CD244: variants seen among roughly 807,000 people sequenced by gnomAD.
CD244 encodes CD244 molecule, also known as natural killer cell receptor 2B4.
In CD244, 20 loss-of-function variants were observed where a neutral mutation model predicts 45.5. The observed-to-expected ratio is 0.44, with a 90% confidence interval of 0.31 to 0.64. The LOEUF (loss-of-function observed/expected upper bound fraction) is 0.64, where lower values mean the gene tolerates loss of function less well. CD244 is among the 30% of genes least tolerant of loss of function. CD244 has a pLI of 0.08. For missense variants in CD244, 407 were observed against 426.9 expected (o/e 0.95, Z 0.41); for synonymous variants, 185 against 160.5 (o/e 1.15, Z -1.15).
chr1:160,836,287 C>T (rs75645010), intron 5 of CD244, 33 bp from the exon 6 acceptor site: 39 of 1,564,814 alleles, frequency 2.5e-5, no homozygotes, highest in Admixed American at 1.8e-4. Context: ...GTAACATGAG[C>T]GACAGTTCGG....
At chr1:160,844,838 G>A (rs959342119) in intron 1 of CD244, among the ~76,000 whole-genome samples, 3 of 152,058 alleles carry the variant, frequency 2.0e-5, no homozygotes, top group Non-Finnish European at 4.4e-5. Context: ...AGCCAGACAT[G>A]GTGGCACACA....
intron 1 of CD244, among the ~76,000 whole-genome samples, chr1:160,860,262 G>A (rs1670250961): frequency 6.6e-6 from 1 of 152,106 alleles, no homozygotes; most frequent in African/African-American, 2.4e-5. Context: ...ATGATAACCT[G>A]AATCATATGA....
chr1:160,842,360 C>T (rs993022016), intron 1 of CD244, among the ~76,000 whole-genome samples: 1 of 152,046 alleles, frequency 6.6e-6, no homozygotes, highest in Non-Finnish European at 1.5e-5. Flanking sequence ...AGGTGATCCT[C>T]CCATCTCAAC....
chr1:160,848,421 T>C (rs1002877686), intron 1 of CD244: 1 of 553,398 alleles, frequency 1.8e-6, no homozygotes, highest in African/African-American at 1.9e-5. Context: ...GGCATGAATA[T>C]TGCAGACAGC....
chr1:160,840,131 C>CTTT (rs35151948), intron 3 of CD244, among the ~76,000 whole-genome samples: 1 of 138,820 alleles, frequency 7.2e-6, no homozygotes. Context: ...CACAGAGCTT[C>CTTT]TTTTTTTTTT....
chr1:160,858,496 G>A (rs1352320051), intron 1 of CD244, among the ~76,000 whole-genome samples: 4 of 152,118 alleles, frequency 2.6e-5, no homozygotes, highest in Admixed American at 6.5e-5. Context: ...TCCTCAGAAC[G>A]GACAACTGAA....
At chr1:160,839,289 C>T (rs1669451015) in intron 3 of CD244, 1 of 408,472 alleles carries the variant, frequency 2.4e-6, no homozygotes, top group Admixed American at 4.1e-5. Context: ...CCTGTGAGCT[C>T]TGCACTATTT....
At chr1:160,837,595 C>G (rs1388815815) in intron 5 of CD244, among the ~76,000 whole-genome samples, 1 of 152,238 alleles carries the variant, frequency 6.6e-6, no homozygotes, top group African/African-American at 2.4e-5. Context: ...CGAGGCTGCA[C>G]AGGGCCTCAC....
rs139236348 is a variant in CD244, at chr1:160,834,102, C to T, written c.909G>A (p.Thr303=). Residue 303 remains threonine, a synonymous_variant, in exon 7 of 9, where the codon ACG becomes ACA. Coordinates refer to ENST00000368034, the MANE Select transcript of CD244 (RefSeq NM_016382.4). Reference sequence around the variant, plus strand: ...ATAATGTATATGCAGGTTCTTGTGACGTGGGAGCAGAAGACTAATGAGAAG... The same window carrying T: ...ATAATGTATATGCAGGTTCTTGTGATGTGGGAGCAGAAGACTAATGAGAAG... ...SMIQSQSSAP[T]SQEPAYTLYS... is the part of the protein sequence containing the mutation. 6.3e-4 allele frequency: 1,017 copies of T among 1,608,388 alleles called. 7 individuals are homozygous for T. Among genetic ancestry groups the T allele is most frequent in the Middle Eastern group, 5.1e-3 (31 of 6,040 alleles).
At position 160,849,641 on chromosome 1, in the gene CD244, C is replaced by T. The variant is rs139504079; in HGVS notation, c.62-7740G>A. ...CAAACTCAGGAACAGAAAAAGGATT[C>T]CATAATTACCTCTTTTAATCAACAT... On this transcript the variant is annotated intron_variant, in intron 1 of 8. Coordinates refer to ENST00000368034, the MANE Select transcript of CD244 (RefSeq NM_016382.4). Among the ~76,000 whole-genome samples the T allele has an allele frequency of 9.8e-5, 15 of 152,288 alleles. No homozygotes were observed. The East Asian group carries it at 2.5e-3, about 25-fold the overall frequency.
intron 1 of CD244, among the ~76,000 whole-genome samples, chr1:160,849,469 A>G (rs1351871005): frequency 1.3e-5 from 2 of 151,908 alleles, no homozygotes; most frequent in Non-Finnish European, 2.9e-5. Context: ...ACCCACTAAC[A>G]GGCCCTGGTG....
Position 160,831,101 on chromosome 1 carries a change from T to C in CD244, c.*246A>G. ...ATTACAAATACTTGGAATGTGGCCTTTTGTGAACAACCTAACCCCTCCACC... is the reference window on the plus strand; with the variant it reads ...ATTACAAATACTTGGAATGTGGCCTCTTGTGAACAACCTAACCCCTCCACC... On this transcript the variant is annotated 3_prime_UTR_variant, in exon 9 of 9. Transcript: ENST00000368034. 1 of 391,804 alleles carries C rather than the reference T, an allele frequency of 2.6e-6. No homozygotes were observed. The highest frequency in any genetic ancestry group is 4.6e-6 in the Non-Finnish European group (1 of 216,758). 24.3% of individuals were successfully genotyped at this position (391,804 alleles called of 1,614,324 possible).
At chr1:160,858,058 A>T (rs1049406665) in intron 1 of CD244, among the ~76,000 whole-genome samples, 1 of 148,188 alleles carries the variant, frequency 6.7e-6, no homozygotes, top group Non-Finnish European at 1.5e-5. Flanking sequence ...CAAAAAAATA[A>T]AAATAAATAA....
intron 3 of CD244, 116 bp from the exon 4 acceptor site, chr1:160,839,165 G>T (rs1669447027): frequency 1.5e-6 from 1 of 678,318 alleles, no homozygotes; most frequent in Non-Finnish European, 2.5e-6. Context: ...GTGGCTGATT[G>T]CCTCGTGCTC....
intron 7 of CD244, chr1:160,832,856 A>ATATG (rs529214462): frequency 0.046 from 14,135 of 310,408 alleles, 508 homozygotes; most frequent in Middle Eastern, 0.078. Flanking sequence ...CCATACACAT[A>ATATG]TGTGTGTGTG....
At chr1:160,855,605 T>C (rs1670076545) in intron 1 of CD244, among the ~76,000 whole-genome samples, 1 of 152,158 alleles carries the variant, frequency 6.6e-6, no homozygotes, top group Non-Finnish European at 1.5e-5. Context: ...CAACACAAGT[T>C]CTCACACATT....
intron 5 of CD244, among the ~76,000 whole-genome samples, chr1:160,836,517 C>T (rs750107701): frequency 3.3e-5 from 5 of 152,200 alleles, no homozygotes; most frequent in Non-Finnish European, 7.3e-5. Context: ...AATGCTGTCA[C>T]TTTCTTTCCT....
rs769028299 is a variant in CD244, at chr1:160,838,478, G to A, written c.807C>T (p.Val269=). 1 of 1,613,502 alleles carries A rather than the reference G, an allele frequency of 6.2e-7. No individual in the cohort carries two copies. The highest frequency in any genetic ancestry group is 8.5e-7 in the Non-Finnish European group (1 of 1,179,602). The stretch of plus-strand genomic sequence containing the variant: ...GATTTCTCCTGGTTTTCAGATCCTT[G>A]ACATCTTCGTAAATTGTCAAAAATT... The part of the protein sequence containing the change: ...PKEFLTIYED[V]KDLKTRRNHE... The change falls in exon 5 of 9, where the codon GTC becomes GTT. Residue 269 remains valine (V), a synonymous_variant. Transcript: ENST00000368034.
At chr1:160,834,023 C>CCCA in intron 7 of CD244, 28 bp downstream of exon 7, 2 of 1,536,204 alleles carry the variant, frequency 1.3e-6, no homozygotes, top group Non-Finnish European at 9.0e-7. Flanking sequence ...TCAACAACAC[C>CCCA]CCACCACCAC....
Sources: gnomAD v4.1 joint callset for allele counts (sites outside exome capture counted in the v4.1 genomes callset) on GRCh38, gnomAD v4.1.1 for gene constraint, MANE v1.5 for transcripts, NCBI Gene and HGNC (gene_info 2026-07-23, HGNC 2026-07-21) for gene names.